Variants in DENND1B observed in about 807,000 individuals in gnomAD.
DENND1B encodes DENN domain-containing protein 1B.
Under a neutral mutation model 90.1 loss-of-function variants are expected in DENND1B, and 59 were observed. The ratio of observed to expected loss-of-function variants is 0.65; its 90% CI spans 0.53 to 0.81. DENND1B has a LOEUF of 0.81. Among genes scored for constraint, DENND1B ranks in the 40% least tolerant of loss-of-function variants. The pLI is 0.00. For missense variants in DENND1B, 862 were observed against 912.6 expected, an observed-to-expected ratio of 0.94 and a Z score of 0.71; for synonymous variants, 337 against 324.6, an observed-to-expected ratio of 1.04 and a Z score of -0.41.
At chr1:197,633,812 C>T (rs950187212) in intron 10 of DENND1B, among the ~76,000 whole-genome samples, 1 of 152,140 alleles carries the variant, frequency 6.6e-6, no homozygotes, top group Admixed American at 6.5e-5. Flanking sequence ...TACCAAGTGG[C>T]CAGCAGCTTC....
intron 16 of DENND1B, among the ~76,000 whole-genome samples, chr1:197,547,907 T>C (rs1670935508): frequency 6.6e-6 from 1 of 152,208 alleles, no homozygotes; most frequent in East Asian, 1.9e-4. Flanking sequence ...CATCAGTTCA[T>C]ATACTTTTTA....
intron 3 of DENND1B, among the ~76,000 whole-genome samples, chr1:197,704,843 GAA>G (rs200997894): frequency 6.9e-6 from 1 of 144,422 alleles, no homozygotes; most frequent in African/African-American, 2.5e-5. Flanking sequence ...ATTCCAAGCA[GAA>G]AAAAAAAAAT....
Position 197,541,011 on chromosome 1 carries a change from T to C in DENND1B, c.1355A>G (p.Lys452Arg), listed in dbSNP as rs1670296996. The change falls in exon 19 of 23, where the codon AAA (lysine) becomes AGA (arginine). Residue 452 changes from lysine (K) to arginine (R), a missense_variant. Physicochemically the swap from Lys to Arg is conservative, Grantham distance 26 (BLOSUM62 2). Coordinates refer to ENST00000620048, the MANE Select transcript of DENND1B (RefSeq NM_001195215.2). ...PAVRTAYKFAKNHAKLGLKEV... is the reference protein window; with the variant it reads ...PAVRTAYKFARNHAKLGLKEV... Reference sequence around the variant, plus strand: ...CTTTAGTCCCAGCTTTGCATGATTTTTTGCCTAGAAAATGATAATGAATGT... The same window carrying C: ...CTTTAGTCCCAGCTTTGCATGATTTCTTGCCTAGAAAATGATAATGAATGT... 2 of 1,612,656 alleles carry C rather than the reference T, an allele frequency of 1.2e-6. No individual in the cohort carries two copies. Among genetic ancestry groups the C allele is most frequent in the Non-Finnish European group, 1.7e-6 (2 of 1,179,186 alleles).
chr1:197,612,802 T>A (rs1006523338), intron 11 of DENND1B, among the ~76,000 whole-genome samples: 2 of 150,642 alleles, frequency 1.3e-5, no homozygotes, highest in Non-Finnish European at 3.0e-5. Flanking sequence ...ATGGATTTTA[T>A]ACTCTTGCAA....
intron 2 of DENND1B, among the ~76,000 whole-genome samples, chr1:197,761,038 G>C (rs1354535021): frequency 1.3e-5 from 2 of 152,104 alleles, no homozygotes; most frequent in African/African-American, 4.8e-5. Context: ...CACAGTGAAA[G>C]AACCAACACA....
rs752218045 is a variant in DENND1B, at chr1:197,553,082, C to T, written c.1180G>A (p.Ala394Thr). Residue 394 changes from alanine (A) to threonine (T), a missense_variant, in exon 16 of 23, where the codon GCA (alanine) becomes ACA (threonine). By Grantham distance (58) the Ala-to-Thr change is moderately conservative. Transcript: ENST00000620048. ...AATACATCAGAGAAACCCCTTCCTG[C>T]ATTTAGTTTTGCCAGTCGACCATCG... ...FIDGRLAKLNAGRGFSDVFEE... is the reference protein window; with the variant it reads ...FIDGRLAKLNTGRGFSDVFEE... 9 of 1,541,430 alleles carry T rather than the reference C, an allele frequency of 5.8e-6. No individual in the cohort carries two copies. Among genetic ancestry groups the T allele is most frequent in the Non-Finnish European group, 7.8e-6 (9 of 1,151,254 alleles).
At chr1:197,552,970 C>A in intron 16 of DENND1B, 52 bp downstream of exon 16, 2 of 1,552,164 alleles carry the variant, frequency 1.3e-6, no homozygotes, top group Non-Finnish European at 8.6e-7. Flanking sequence ...GTGCAAAGAC[C>A]AAGAAAATTG....
intron 15 of DENND1B, among the ~76,000 whole-genome samples, chr1:197,580,739 T>A (rs1228261479): frequency 1.3e-5 from 2 of 152,140 alleles, no homozygotes; most frequent in Non-Finnish European, 2.9e-5. Context: ...CCCAGGAAAC[T>A]GACTGAGAAA....
chr1:197,605,757 C>T (rs1474842510), intron 13 of DENND1B: 1 of 151,028 alleles, frequency 6.6e-6, no homozygotes, highest in Non-Finnish European at 1.5e-5. Flanking sequence ...TTTGTACATT[C>T]ATAGCATAAG....
intron 15 of DENND1B, among the ~76,000 whole-genome samples, chr1:197,562,590 T>C (rs1672264923): frequency 6.6e-6 from 1 of 151,876 alleles, no homozygotes; most frequent in African/African-American, 2.4e-5. Context: ...GCTTAATTGA[T>C]AAATGTTGTG....
intron 2 of DENND1B, among the ~76,000 whole-genome samples, chr1:197,736,405 G>C (rs1159492145): frequency 6.6e-6 from 1 of 152,094 alleles, no homozygotes; most frequent in Non-Finnish European, 1.5e-5. Flanking sequence ...TTGGAGTACA[G>C]AGGCACAATC....
At chr1:197,581,479 C>T (rs1674234137) in intron 15 of DENND1B, among the ~76,000 whole-genome samples, 1 of 152,116 alleles carries the variant, frequency 6.6e-6, no homozygotes, top group African/African-American at 2.4e-5. Flanking sequence ...TTAAGATTTG[C>T]TGAGCATCAA....
chr1:197,674,109 T>C lies in DENND1B; in HGVS notation c.176+11A>G. ...AATCTACATTTATTTTAAATGATAC[T>C]TATACTGTACCTTTCAACGTCAAAG... On this transcript the variant is annotated intron_variant, in intron 4 of 22. Transcript: ENST00000620048. The C allele has an allele frequency of 6.4e-7, 1 of 1,572,514 alleles. No individual in the cohort carries two copies. Among genetic ancestry groups the C allele is most frequent in the Non-Finnish European group, 8.7e-7 (1 of 1,149,594 alleles).
At chr1:197,732,185 C>CT (rs1662214179) in intron 2 of DENND1B, among the ~76,000 whole-genome samples, 1 of 152,130 alleles carries the variant, frequency 6.6e-6, no homozygotes, top group South Asian at 2.1e-4. Flanking sequence ...TCCTTCTATA[C>CT]TTCTGTCTTA....
chr1:197,582,270 C>T (rs951545774), intron 15 of DENND1B, among the ~76,000 whole-genome samples: 4 of 152,174 alleles, frequency 2.6e-5, no homozygotes, highest in Non-Finnish European at 2.9e-5. Flanking sequence ...TCTTTACTGA[C>T]CTAATTTGAA....
intron 2 of DENND1B, among the ~76,000 whole-genome samples, chr1:197,733,313 A>C (rs751198969): frequency 2.9e-4 from 44 of 152,210 alleles, no homozygotes; most frequent in Admixed American, 9.8e-4. Flanking sequence ...TTAGACCTCA[A>C]GTATCCACCC....
At position 197,541,070 on chromosome 1, in the gene DENND1B, G is replaced by T. The variant is rs549929066; in HGVS notation, c.1351-55C>A. 1.0e-5 allele frequency: 15 copies of T among 1,446,574 alleles called. No individual in the cohort carries two copies. The South Asian group carries it at 1.6e-4, about 15-fold the overall frequency. 89.6% of individuals were successfully genotyped at this position (1,446,574 alleles called of 1,614,324 possible). ...CAGGATGGTTCCATTACCATTTAAAGAATAAGTATACAAGATCAAATTTAA... is the reference window on the plus strand; with the variant it reads ...CAGGATGGTTCCATTACCATTTAAATAATAAGTATACAAGATCAAATTTAA... On this transcript the variant is annotated intron_variant, in intron 18 of 22. Coordinates refer to ENST00000620048, the MANE Select transcript of DENND1B (RefSeq NM_001195215.2).
intron 3 of DENND1B, among the ~76,000 whole-genome samples, chr1:197,692,343 C>T (rs370640560): frequency 1.3e-5 from 2 of 151,778 alleles, no homozygotes; most frequent in Non-Finnish European, 2.9e-5. Flanking sequence ...TAAATATATA[C>T]CATTTTATGG....
At chr1:197,518,809 A>G (rs1031305426) in intron 20 of DENND1B, among the ~76,000 whole-genome samples, 3 of 151,896 alleles carry the variant, frequency 2.0e-5, no homozygotes, top group African/African-American at 7.2e-5. Flanking sequence ...ACTAAGAACA[A>G]TCTTAGAGAT....
Sources: allele counts gnomAD v4.1 joint callset (sites outside exome capture counted in the v4.1 genomes callset), GRCh38; gene constraint gnomAD v4.1.1; transcripts MANE v1.5; gene names NCBI Gene and HGNC (gene_info 2026-07-23, HGNC 2026-07-21).